Variants in TRAPPC9 observed in about 807,000 individuals in gnomAD.
The protein encoded by TRAPPC9 is IKK2 binding protein.
TRAPPC9 carries 83 observed loss-of-function variants against 124.0 expected under a neutral mutation model. The observed-to-expected ratio is 0.67, with a 90% CI of 0.56 to 0.80. TRAPPC9 has a LOEUF of 0.80. Ranked by LOEUF, TRAPPC9 falls within the 30% of genes least tolerant of loss-of-function variation. TRAPPC9 has a pLI of 0.00. For synonymous variants in TRAPPC9, 638 were observed against 617.5 expected, an observed-to-expected ratio of 1.03 and a Z score of -0.49; for missense variants, 1,302 against 1,508.3, an observed-to-expected ratio of 0.86 and a Z score of 2.27.
chr8:139,881,973 G>C (rs753346098), intron 21 of TRAPPC9, among the ~76,000 whole-genome samples: 1 of 152,212 alleles, frequency 6.6e-6, no homozygotes, highest in Non-Finnish European at 1.5e-5. Context: ...TGCCAGGAAG[G>C]GGGTCTATGC....
chr8:140,290,845 C>A, intron 12 of TRAPPC9, 148 bp downstream of exon 12: 1 of 707,916 alleles, frequency 1.4e-6, no homozygotes. Context: ...ACATGGTCTT[C>A]ATTTACAATA....
chr8:140,256,280 C>T (rs2064256462), intron 15 of TRAPPC9, among the ~76,000 whole-genome samples: 1 of 152,154 alleles, frequency 6.6e-6, no homozygotes. Context: ...AGAGAAAGAA[C>T]AAAGATCTGT....
intron 17 of TRAPPC9, among the ~76,000 whole-genome samples, chr8:140,185,760 T>C (rs2062339309): frequency 6.6e-6 from 1 of 152,200 alleles, no homozygotes; most frequent in Non-Finnish European, 1.5e-5. Context: ...GAACCCGGCA[T>C]TATTTCGCAG....
At chr8:140,065,781 C>T (rs1161659558) in intron 17 of TRAPPC9, among the ~76,000 whole-genome samples, 1 of 152,230 alleles carries the variant, frequency 6.6e-6, no homozygotes, top group Non-Finnish European at 1.5e-5. Context: ...TCACGTAAGA[C>T]AGCTGATGGA....
chr8:139,887,221 T>TC (rs2131127796), intron 20 of TRAPPC9, among the ~76,000 whole-genome samples: 1 of 149,666 alleles, frequency 6.7e-6, no homozygotes, highest in Admixed American at 6.6e-5. Context: ...TTTTAGCTTT[T>TC]TTTTTTTTTT....
intron 16 of TRAPPC9, among the ~76,000 whole-genome samples, chr8:140,228,750 C>T (rs1021782746): frequency 2.6e-5 from 4 of 152,172 alleles, no homozygotes; most frequent in South Asian, 2.1e-4. Context: ...GATTGCACAA[C>T]CCTGTGGATA....
intron 21 of TRAPPC9, among the ~76,000 whole-genome samples, chr8:139,764,713 C>T (rs935208906): frequency 2.0e-5 from 3 of 152,022 alleles, no homozygotes; most frequent in East Asian, 1.9e-4. Context: ...CTGGTGTGTA[C>T]GTAGGGCATG....
At chr8:140,262,038 C>A (rs1295020433) in intron 15 of TRAPPC9, among the ~76,000 whole-genome samples, 1 of 152,168 alleles carries the variant, frequency 6.6e-6, no homozygotes, top group Non-Finnish European at 1.5e-5. Context: ...TAAATCCACA[C>A]ACTGATTCTC....
At chr8:140,288,104 G>T (rs2065542989) in intron 12 of TRAPPC9, among the ~76,000 whole-genome samples, 1 of 152,214 alleles carries the variant, frequency 6.6e-6, no homozygotes, top group African/African-American at 2.4e-5. Flanking sequence ...ACTTTGGGAG[G>T]CCAAGGTGGA....
At chr8:140,302,048 TAAC>T (rs2065994031) in intron 10 of TRAPPC9, among the ~76,000 whole-genome samples, 1 of 152,200 alleles carries the variant, frequency 6.6e-6, no homozygotes, top group Non-Finnish European at 1.5e-5. Context: ...TACTGCATAA[TAAC>T]AACTGCCTTA....
intron 6 of TRAPPC9, among the ~76,000 whole-genome samples, chr8:140,398,164 A>G (rs2069150472): frequency 6.6e-6 from 1 of 152,202 alleles, no homozygotes; most frequent in South Asian, 2.1e-4. Flanking sequence ...GCCACACAGA[A>G]CTGTAAGTCC....
chr8:140,028,133 A>G (rs1359190702), intron 17 of TRAPPC9, among the ~76,000 whole-genome samples: 2 of 152,004 alleles, frequency 1.3e-5, no homozygotes, highest in Non-Finnish European at 2.9e-5. Context: ...AATATTATAT[A>G]TAAGGTCTTA....
chr8:140,141,308 C>A (rs1394230693), intron 17 of TRAPPC9, among the ~76,000 whole-genome samples: 1 of 152,206 alleles, frequency 6.6e-6, no homozygotes, highest in Admixed American at 6.5e-5. Context: ...CTCTCACCGC[C>A]CTGCTCTCTC....
At chr8:140,095,690 C>T (rs1353657576) in intron 17 of TRAPPC9, 2 of 152,308 alleles carry the variant, frequency 1.3e-5, no homozygotes, top group East Asian at 1.9e-4. Flanking sequence ...GTGCTAGACA[C>T]CTGAAATGAG....
At chr8:139,953,709 A>T (rs1006955246) in intron 19 of TRAPPC9, among the ~76,000 whole-genome samples, 4 of 152,224 alleles carry the variant, frequency 2.6e-5, no homozygotes, top group African/African-American at 9.7e-5. Flanking sequence ...TGCAAGAGTG[A>T]CAAAACAAAC....
intron 5 of TRAPPC9, among the ~76,000 whole-genome samples, chr8:140,419,421 T>A (rs1180512054): frequency 1.3e-4 from 12 of 89,792 alleles, no homozygotes; most frequent in Non-Finnish European, 2.4e-4. Flanking sequence ...AGAGTGAGAC[T>A]CCGTCTCAAA....
At chr8:140,233,361 C>T (rs868011641) in intron 16 of TRAPPC9, among the ~76,000 whole-genome samples, 7 of 151,970 alleles carry the variant, frequency 4.6e-5, no homozygotes, top group African/African-American at 7.3e-5. Context: ...TCTGCCACCG[C>T]GCCCAGCTAA....
chr8:139,973,924 C>A (rs1836269344), intron 19 of TRAPPC9, among the ~76,000 whole-genome samples: 1 of 152,136 alleles, frequency 6.6e-6, no homozygotes, highest in Non-Finnish European at 1.5e-5. Flanking sequence ...CTGTGGGCCA[C>A]CTGGGAGGGA....
chr8:139,797,404 C>A (rs1489787389), intron 21 of TRAPPC9, among the ~76,000 whole-genome samples: 4 of 152,136 alleles, frequency 2.6e-5, no homozygotes, highest in African/African-American at 4.8e-5. Flanking sequence ...GGATTACAGG[C>A]ACCCGCCATC....
Sources: allele counts gnomAD v4.1 joint callset (sites outside exome capture counted in the v4.1 genomes callset), GRCh38; gene constraint gnomAD v4.1.1; transcripts MANE v1.5; gene names NCBI Gene and HGNC (gene_info 2026-07-23, HGNC 2026-07-21).